The following ADAMTSL1 variants were observed in gnomAD, a reference collection of about 807,000 sequenced individuals.
ADAMTSL1 encodes the protein ADAMTS-like protein 1.
ADAMTSL1 carries 126 observed loss-of-function variants against 201.8 expected under a neutral mutation model. The observed-to-expected ratio is 0.62, with a 90% CI of 0.54 to 0.72. The LOEUF (loss-of-function observed/expected upper bound fraction) is 0.72. ADAMTSL1 is among the 30% of genes least tolerant of loss of function. The pLI, the probability that ADAMTSL1 is intolerant of heterozygous loss-of-function variation, is 0.00. For missense variants in ADAMTSL1, 2,679 were observed against 2,277.8 expected (o/e 1.18, Z -3.59); for synonymous variants, 1,121 against 903.4 (o/e 1.24, Z -4.32).
intron 23 of ADAMTSL1, among the ~76,000 whole-genome samples, chr9:18,850,316 A>C (rs1826410640): frequency 6.6e-6 from 1 of 152,244 alleles, no homozygotes; most frequent in Non-Finnish European, 1.5e-5. Flanking sequence ...ATCAGTGGGA[A>C]AACAAGGAAC....
At chr9:18,582,999 C>T (rs1277354455) in intron 4 of ADAMTSL1, among the ~76,000 whole-genome samples, 1 of 152,140 alleles carries the variant, frequency 6.6e-6, no homozygotes, top group Non-Finnish European at 1.5e-5. Context: ...TGTGAGGCTG[C>T]CCCAGCCACA....
chr9:18,685,036 C>T lies in ADAMTSL1; in HGVS notation c.1574+236C>T, dbSNP rs563286330. ...AAGAAAATGAAGGTGTAGTGCTTAC[C>T]CTCTTCTCCAAAATCTGACCTCCTC... On this transcript the variant is annotated intron_variant, in intron 13 of 28. Coordinates refer to ENST00000380548, the MANE Select transcript of ADAMTSL1 (RefSeq NM_001040272.6). The T allele has an allele frequency of 3.4e-6, 4 of 1,172,670 alleles. No individual in the cohort carries two copies. In the African/African-American group the frequency reaches 6.3e-5, roughly 19 times the overall value. 72.6% of individuals were successfully genotyped at this position (1,172,670 alleles called of 1,614,324 possible). A position where few individuals can be genotyped will look rare whatever the true frequency, so the allele number is the denominator to read the frequency against.
chr9:18,227,531 A>G (rs144426847), intron 2 of ADAMTSL1, among the ~76,000 whole-genome samples: 17 of 152,318 alleles, frequency 1.1e-4, no homozygotes, highest in South Asian at 8.3e-4. Flanking sequence ...GTTTGAAGCT[A>G]TGTTTAAGCC....
At chr9:17,996,523 T>C (rs1278854393) in intron 1 of ADAMTSL1, among the ~76,000 whole-genome samples, 1 of 152,078 alleles carries the variant, frequency 6.6e-6, no homozygotes. Flanking sequence ...CAGAATTAAT[T>C]CTTGGAGAAC....
chr9:18,871,046 C>T (rs900991898), intron 23 of ADAMTSL1, among the ~76,000 whole-genome samples: 1 of 152,148 alleles, frequency 6.6e-6, no homozygotes, highest in African/African-American at 2.4e-5. Context: ...GAAGTAAATG[C>T]TCTCCTAAAT....
rs370599653 is a variant in ADAMTSL1, at chr9:18,370,447, C to A, written c.208-134382C>A. Among the ~76,000 whole-genome samples, 12 of 152,230 alleles carry A rather than the reference C, an allele frequency of 7.9e-5. No individual in the cohort carries two copies. In the East Asian group the frequency reaches 9.7e-4, roughly 12 times the overall value. ...TATGAAAACCTGCATATGTACCCCC[C>A]CCGAATCCATAATAAAAATTTTTGT... On this transcript the variant is annotated intron_variant, in intron 2 of 29. Coordinates refer to the ADAMTSL1 transcript ENST00000680146.
chr9:18,170,416 T>G (rs1015909446), intron 2 of ADAMTSL1, among the ~76,000 whole-genome samples: 9 of 151,990 alleles, frequency 5.9e-5, no homozygotes, highest in Non-Finnish European at 8.8e-5. Context: ...TAATGAAAAA[T>G]GGAATAAATA....
At chr9:17,941,296 A>T (rs1305388938) in intron 1 of ADAMTSL1, among the ~76,000 whole-genome samples, 36 of 152,090 alleles carry the variant, frequency 2.4e-4, no homozygotes, top group Non-Finnish European at 4.1e-4. Flanking sequence ...CCAATGAGAT[A>T]AATTTGGATT....
intron 2 of ADAMTSL1, among the ~76,000 whole-genome samples, chr9:18,510,423 C>T (rs1245069153): frequency 6.6e-6 from 1 of 152,088 alleles, no homozygotes; most frequent in African/African-American, 2.4e-5. Context: ...ATATAAAAGC[C>T]TTCATTCTCA....
At chr9:18,413,029 CAT>C (rs1487206056) in intron 2 of ADAMTSL1, among the ~76,000 whole-genome samples, 1 of 152,006 alleles carries the variant, frequency 6.6e-6, no homozygotes, top group Non-Finnish European at 1.5e-5. Flanking sequence ...TTAGTAGGCT[CAT>C]AGAAAAGTTA....
chr9:18,785,478 T>G (rs188689769), intron 19 of ADAMTSL1, among the ~76,000 whole-genome samples: 2 of 152,348 alleles, frequency 1.3e-5, no homozygotes, highest in Admixed American at 1.3e-4. Context: ...TCAATAAACA[T>G]TACAATTGCT....
chr9:18,395,829 C>A (rs1817731803), intron 2 of ADAMTSL1, among the ~76,000 whole-genome samples: 1 of 152,166 alleles, frequency 6.6e-6, no homozygotes, highest in Admixed American at 6.5e-5. Context: ...TGGATGAGCA[C>A]CATCCTAGAG....
intron 2 of ADAMTSL1, among the ~76,000 whole-genome samples, chr9:18,215,368 C>G (rs988680063): frequency 4.6e-5 from 7 of 151,934 alleles, no homozygotes; most frequent in African/African-American, 1.7e-4. Context: ...ATGGGAAAAC[C>G]TTAACTATAA....
intron 23 of ADAMTSL1, among the ~76,000 whole-genome samples, chr9:18,884,475 G>C (rs1828730779): frequency 6.6e-6 from 1 of 152,060 alleles, no homozygotes; most frequent in African/African-American, 2.4e-5. Flanking sequence ...TCATATCTAA[G>C]AAATCATTGC....
chr9:18,050,824 T>C (rs1354031342), intron 1 of ADAMTSL1, among the ~76,000 whole-genome samples: 2 of 152,142 alleles, frequency 1.3e-5, no homozygotes, highest in South Asian at 2.1e-4. Flanking sequence ...TAGGGTGCCA[T>C]GTTTCCATGT....
intron 14 of ADAMTSL1, among the ~76,000 whole-genome samples, chr9:18,715,625 T>C (rs1275651810): frequency 2.0e-5 from 3 of 151,942 alleles, no homozygotes; most frequent in Non-Finnish European, 4.4e-5. Context: ...TGCTCATGGG[T>C]AGGAAGAATC....
intron 5 of ADAMTSL1, among the ~76,000 whole-genome samples, chr9:18,631,568 C>T (rs1023428672): frequency 3.3e-5 from 5 of 152,086 alleles, no homozygotes; most frequent in African/African-American, 4.8e-5. Context: ...AACTCATCAA[C>T]GGATCTAAAA....
chr9:18,366,012 T>A (rs952417308), intron 2 of ADAMTSL1, among the ~76,000 whole-genome samples: 1 of 152,230 alleles, frequency 6.6e-6, no homozygotes, highest in African/African-American at 2.4e-5. Context: ...GGAAAAATTG[T>A]CTTTCACGAA....
chr9:18,541,176 C>T (rs896147878), intron 3 of ADAMTSL1, among the ~76,000 whole-genome samples: 1 of 152,292 alleles, frequency 6.6e-6, no homozygotes, highest in African/African-American at 2.4e-5. Flanking sequence ...CTTTCAGAGT[C>T]TGCATGCATT....
Sources: allele counts gnomAD v4.1 joint callset (sites outside exome capture counted in the v4.1 genomes callset), GRCh38; gene constraint gnomAD v4.1.1; transcripts MANE v1.5; gene names NCBI Gene and HGNC (gene_info 2026-07-23, HGNC 2026-07-21).